ANO4: variants seen among roughly 807,000 people sequenced by gnomAD.
ANO4 encodes anoctamin-4.
In ANO4, 69 loss-of-function variants were observed where a neutral mutation model predicts 141.9. That is an observed-to-expected ratio of 0.49 (90% CI 0.40 to 0.59). The LOEUF is 0.59. Among genes scored for constraint, ANO4 ranks in the 20% least tolerant of loss-of-function variants. The pLI is 0.00. For missense variants in ANO4, 894 were observed against 1,162.2 expected (o/e 0.77, Z 3.36); for synonymous variants, 350 against 394.3 (o/e 0.89, Z 1.33).
chr12:100,786,292 A>G (rs1341876713), intron 3 of ANO4, among the ~76,000 whole-genome samples: 1 of 152,194 alleles, frequency 6.6e-6, no homozygotes, highest in Non-Finnish European at 1.5e-5. Context: ...GAGCAGAGGC[A>G]TTTAATTTAT....
intron 2 of ANO4, among the ~76,000 whole-genome samples, chr12:100,911,141 G>A (rs1465932249): frequency 2.0e-5 from 3 of 152,026 alleles, no homozygotes; most frequent in Non-Finnish European, 1.5e-5. Flanking sequence ...CTCAAAAACT[G>A]TTCAACTGTT....
intron 3 of ANO4, among the ~76,000 whole-genome samples, chr12:100,767,334 T>G (rs1031964103): frequency 2.6e-5 from 4 of 152,226 alleles, no homozygotes; most frequent in Non-Finnish European, 5.9e-5. Context: ...TTTTTAGTGG[T>G]ATACTTTGAT....
intron 1 of ANO4, among the ~76,000 whole-genome samples, chr12:100,718,221 A>G (rs374778725): frequency 4.9e-4 from 75 of 152,360 alleles, no homozygotes; most frequent in African/African-American, 1.7e-3. Flanking sequence ...TGAAGGTTTC[A>G]GGCTCAGCTA....
intron 13 of ANO4, among the ~76,000 whole-genome samples, chr12:101,047,308 T>C (rs2047672804): frequency 6.6e-6 from 1 of 152,084 alleles, no homozygotes; most frequent in African/African-American, 2.4e-5. Context: ...TCCAGTCAAA[T>C]ACCGCTAGAA....
At chr12:101,053,740 C>A (rs1371527407) in intron 14 of ANO4, among the ~76,000 whole-genome samples, 1 of 152,190 alleles carries the variant, frequency 6.6e-6, no homozygotes, top group Non-Finnish European at 1.5e-5. Flanking sequence ...GACCCTACTT[C>A]CAAATAAGGT....
intron 25 of ANO4, among the ~76,000 whole-genome samples, chr12:101,119,953 G>C (rs1268407158): frequency 6.6e-6 from 1 of 152,144 alleles, no homozygotes; most frequent in Admixed American, 6.6e-5. Context: ...GGATACATTA[G>C]GAAGGACTCT....
intron 1 of ANO4, among the ~76,000 whole-genome samples, chr12:100,856,268 A>G (rs1306205921): frequency 4.6e-5 from 7 of 152,180 alleles, no homozygotes. Context: ...TGCACTGTAG[A>G]TTCATGGTAG....
intron 13 of ANO4, among the ~76,000 whole-genome samples, chr12:101,044,319 GA>G (rs1566169338): frequency 6.6e-6 from 1 of 151,862 alleles, no homozygotes; most frequent in Admixed American, 6.6e-5. Context: ...AGTGCTATGA[GA>G]AAAAAAATAC....
In ANO4 at chr12:100,987,559, G is replaced by A; in HGVS notation, c.623G>A (p.Arg208Lys). 6.2e-7 allele frequency: 1 copy of A among 1,613,968 alleles called. No homozygotes were observed. The highest frequency in any genetic ancestry group is 8.5e-7 in the Non-Finnish European group (1 of 1,179,948). Residue 208 changes from arginine (R) to lysine (K), a missense_variant, in exon 8 of 28, where the codon AGG becomes AAG. This residue lies in a region of ANO4 where 257 missense variants were observed against 253.0 expected (regional missense o/e 1.02). Coordinates refer to ENST00000392977, the MANE Select transcript of ANO4 (RefSeq NM_001286615.2). The part of the protein sequence containing the change: ...FMSRIDKQIS[R>K]FRRWLPKKPM... ...CACAGGATCGATAAACAAATAAGCA[G>A]GTTTCGGAGATGGTTACCTAAGAAG... is the stretch of plus-strand genomic sequence containing the variant.
rs1324838353 is a variant in ANO4 at position 101,040,419 on chromosome 12, A to G, written c.1019+343A>G. Reference sequence around the variant, plus strand: ...CTTGTACAAAGGTAACACTGCTTACATATATTACTGACAAAGTAAAATATT... The same window carrying G: ...CTTGTACAAAGGTAACACTGCTTACGTATATTACTGACAAAGTAAAATATT... On this transcript the variant is annotated intron_variant, in intron 11 of 27. Transcript: ENST00000392977. Among the ~76,000 whole-genome samples the G allele has an allele frequency of 2.6e-5, 4 of 152,244 alleles. No individual in the cohort carries two copies. The East Asian group carries it at 5.8e-4, about 22-fold the overall frequency.
chr12:100,825,722 T>TGGGA (rs2036297655), intron 1 of ANO4, among the ~76,000 whole-genome samples: 1 of 152,032 alleles, frequency 6.6e-6, no homozygotes, highest in Non-Finnish European at 1.5e-5. Flanking sequence ...CATTAACATA[T>TGGGA]TTACACATAA....
exon 3 of ANO4, chr12:100,739,951 C>G (rs765634291): frequency 1.4e-6 from 1 of 702,460 alleles, no homozygotes; most frequent in Non-Finnish European, 2.6e-6. Flanking sequence ...TGCCTCTCTT[C>G]GTCTCCAAAG....
At chr12:100,984,690 A>G (rs2044631059) in intron 7 of ANO4, among the ~76,000 whole-genome samples, 1 of 152,186 alleles carries the variant, frequency 6.6e-6, no homozygotes, top group East Asian at 1.9e-4. Context: ...GCTGAGGCGC[A>G]AGAGAGCCAC....
intron 1 of ANO4, among the ~76,000 whole-genome samples, chr12:100,892,435 C>G (rs911856684): frequency 1.3e-5 from 2 of 152,200 alleles, no homozygotes; most frequent in Non-Finnish European, 2.9e-5. Context: ...ACCCCCTCTT[C>G]CAAGGTCTTA....
chr12:100,777,587 A>G (rs1378290977), intron 3 of ANO4, among the ~76,000 whole-genome samples: 3 of 152,092 alleles, frequency 2.0e-5, no homozygotes, highest in Non-Finnish European at 4.4e-5. Flanking sequence ...CCATTAGTTA[A>G]AACCCTTTTT....
At chr12:100,833,021 A>T (rs1173197291) in intron 1 of ANO4, among the ~76,000 whole-genome samples, 1 of 152,170 alleles carries the variant, frequency 6.6e-6, no homozygotes, top group Admixed American at 6.5e-5. Flanking sequence ...CTTCTGACCA[A>T]GTAAAATAAG....
chr12:100,973,417 A>G (rs1364115549), intron 6 of ANO4, among the ~76,000 whole-genome samples: 1 of 152,184 alleles, frequency 6.6e-6, no homozygotes, highest in African/African-American at 2.4e-5. Context: ...CTGAATCCCA[A>G]GTTTAGTCTC....
At chr12:101,041,619 C>T (rs2136622993) in intron 11 of ANO4, among the ~76,000 whole-genome samples, 1 of 152,214 alleles carries the variant, frequency 6.6e-6, no homozygotes, top group Admixed American at 6.5e-5. Context: ...CAAACAGACG[C>T]CAAATGGTCT....
intron 1 of ANO4, among the ~76,000 whole-genome samples, chr12:100,859,589 T>G (rs1212774474): frequency 1.3e-5 from 2 of 152,172 alleles, no homozygotes; most frequent in African/African-American, 4.8e-5. Context: ...TCAAAGATAA[T>G]AGAAGACAAA....
Sources: gnomAD v4.1 joint callset for allele counts (sites outside exome capture counted in the v4.1 genomes callset) on GRCh38, gnomAD v4.1.1 for gene constraint, gnomAD v4.1.1 regional missense constraint, MANE v1.5 for transcripts, NCBI Gene and HGNC (gene_info 2026-07-23, HGNC 2026-07-21) for gene names.